The following MYO16 variants were observed in gnomAD, a reference collection of about 807,000 sequenced individuals.
MYO16 encodes the protein myosin XVI.
In MYO16, 94 loss-of-function variants were observed where a neutral mutation model predicts 205.3. That is an observed-to-expected ratio of 0.46 (90% CI 0.39 to 0.54). The LOEUF (loss-of-function observed/expected upper bound fraction) is 0.54. Among genes scored for constraint, MYO16 ranks in the 20% least tolerant of loss-of-function variants. The pLI is 0.00. For synonymous variants in MYO16, 988 were observed against 954.0 expected, an observed-to-expected ratio of 1.04 and a Z score of -0.66; for missense variants, 2,315 against 2,387.5, an observed-to-expected ratio of 0.97 and a Z score of 0.63.
At chr13:109,189,654 T>C (rs974436015) in intron 34 of MYO16, among the ~76,000 whole-genome samples, 4 of 152,222 alleles carry the variant, frequency 2.6e-5, no homozygotes, top group African/African-American at 9.6e-5. Context: ...TGTTGTAACT[T>C]CTTCTTTCAA....
chr13:108,648,567 TAAA>T (rs977673421), intron 1 of MYO16, among the ~76,000 whole-genome samples: 10 of 150,780 alleles, frequency 6.6e-5, no homozygotes, highest in African/African-American at 2.4e-4. Context: ...TATTTAAAAA[TAAA>T]TAATATATAA....
chr13:108,800,933 A>T (rs1409881011), intron 6 of MYO16, among the ~76,000 whole-genome samples: 3 of 152,240 alleles, frequency 2.0e-5, no homozygotes, highest in African/African-American at 7.2e-5. Flanking sequence ...TACATGTGGA[A>T]AAAAGCCTCT....
At chr13:108,847,572 A>C (rs1384226251) in intron 10 of MYO16, among the ~76,000 whole-genome samples, 1 of 152,196 alleles carries the variant, frequency 6.6e-6, no homozygotes, top group African/African-American at 2.4e-5. Flanking sequence ...AAATTTTAAA[A>C]AATTAAAATA....
chr13:109,149,644 A>C (rs9514994), intron 32 of MYO16, among the ~76,000 whole-genome samples: 27,879 of 152,132 alleles, frequency 0.18, 2,632 homozygotes, highest in East Asian at 0.28. Context: ...GGACAGATAA[A>C]ACTGTTTTGC....
At chr13:109,113,552 A>G (rs1193809199) in intron 28 of MYO16, among the ~76,000 whole-genome samples, 1 of 152,242 alleles carries the variant, frequency 6.6e-6, no homozygotes, top group East Asian at 1.9e-4. Flanking sequence ...ATGTAGACCC[A>G]TGATAATTTA....
At chr13:108,665,617 G>A (rs1345344528) in intron 1 of MYO16, among the ~76,000 whole-genome samples, 1 of 152,208 alleles carries the variant, frequency 6.6e-6, no homozygotes, top group African/African-American at 2.4e-5. Context: ...GAAACAGGAA[G>A]AGATGGATGG....
At chr13:108,801,578 A>G (rs1358682783) in intron 6 of MYO16, among the ~76,000 whole-genome samples, 2 of 152,210 alleles carry the variant, frequency 1.3e-5, no homozygotes, top group African/African-American at 4.8e-5. Flanking sequence ...TGTCTGTATA[A>G]TTGTATACTA....
At chr13:108,579,951 A>G in the MYO16 span, among the ~76,000 whole-genome samples, 3 of 152,152 alleles carry the variant, frequency 2.0e-5, no homozygotes, top group South Asian at 6.2e-4. Context: ...GTGATTTGTG[A>G]TCAGGTGTTT....
In MYO16 at chr13:108,743,848, C is replaced by T. The variant is rs528307941; in HGVS notation, c.507+16265C>T. Among the ~76,000 whole-genome samples, 8 of 152,332 alleles carry T rather than the reference C, an allele frequency of 5.3e-5. No homozygotes were observed. The East Asian group carries it at 1.5e-3, about 29-fold the overall frequency. The stretch of plus-strand genomic sequence containing the variant: ...TTACATTGATAGATCAAAATCCAAT[C>T]ATTCCAAAACTTGACTCATTAGTTG... On this transcript the variant is annotated intron_variant, in intron 4 of 34. Transcript: ENST00000457511.
At chr13:109,148,184 T>G (rs889118484) in intron 32 of MYO16, among the ~76,000 whole-genome samples, 5 of 152,186 alleles carry the variant, frequency 3.3e-5, no homozygotes, top group Non-Finnish European at 7.3e-5. Flanking sequence ...AATAAATGTA[T>G]CAGTAACCAA....
chr13:109,033,579 A>C (rs1037950015), intron 23 of MYO16, among the ~76,000 whole-genome samples: 3 of 152,208 alleles, frequency 2.0e-5, no homozygotes, highest in African/African-American at 7.2e-5. Context: ...GAGGTCCATC[A>C]GGATTCCATC....
chr13:108,901,898 G>A (rs1880729101), intron 15 of MYO16, among the ~76,000 whole-genome samples: 1 of 152,164 alleles, frequency 6.6e-6, no homozygotes, highest in Non-Finnish European at 1.5e-5. Flanking sequence ...GTGCCCTGAA[G>A]GGGTGAGACT....
the MYO16 span, among the ~76,000 whole-genome samples, chr13:108,580,029 A>G: frequency 6.6e-6 from 1 of 152,220 alleles, no homozygotes; most frequent in African/African-American, 2.4e-5. Context: ...CATTTTCCTG[A>G]GTGGCAAATA....
intron 2 of MYO16, among the ~76,000 whole-genome samples, chr13:108,672,522 A>G (rs1221099670): frequency 6.6e-6 from 1 of 151,772 alleles, no homozygotes; most frequent in African/African-American, 2.4e-5. Flanking sequence ...AAAGTAATTC[A>G]GGATTTTTTT....
intron 20 of MYO16, among the ~76,000 whole-genome samples, chr13:108,973,112 G>A (rs977055065): frequency 1.3e-5 from 2 of 151,974 alleles, no homozygotes; most frequent in South Asian, 2.1e-4. Flanking sequence ...GTCTTTCACC[G>A]AGAAGCAAGG....
chr13:108,727,216 A>G (rs138390305), intron 3 of MYO16, among the ~76,000 whole-genome samples: 1,546 of 151,832 alleles, frequency 0.01, 12 homozygotes, highest in Non-Finnish European at 0.016. Flanking sequence ...ATCTACCCTG[A>G]TTTTCTTCTT....
At chr13:108,752,873 G>T (rs1885286549) in intron 4 of MYO16, among the ~76,000 whole-genome samples, 1 of 134,760 alleles carries the variant, frequency 7.4e-6, no homozygotes, top group Non-Finnish European at 1.5e-5. Flanking sequence ...AACCATGTTG[G>T]TCAGGCTGGT....
At chr13:109,052,222 C>A in intron 24 of MYO16, 78 bp from the exon 25 acceptor site, 1 of 1,273,736 alleles carries the variant, frequency 7.9e-7, no homozygotes, top group Non-Finnish European at 1.1e-6. Context: ...GTGGCTAGAG[C>A]TCTTGTATGA....
At chr13:108,826,505 C>A (rs1876276258) in intron 9 of MYO16, among the ~76,000 whole-genome samples, 1 of 151,598 alleles carries the variant, frequency 6.6e-6, no homozygotes, top group Non-Finnish European at 1.5e-5. Flanking sequence ...TTGGATGAGG[C>A]AATGGTTTCT....
Sources: gnomAD v4.1 joint callset for allele counts (sites outside exome capture counted in the v4.1 genomes callset) on GRCh38, gnomAD v4.1.1 for gene constraint, MANE v1.5 for transcripts, NCBI Gene and HGNC (gene_info 2026-07-23, HGNC 2026-07-21) for gene names.